Variants in OSBP observed in about 807,000 individuals in gnomAD.
The protein encoded by OSBP is oxysterol-binding protein 1.
In OSBP, 32 loss-of-function variants were observed where a neutral mutation model predicts 96.6. That is an observed-to-expected ratio of 0.33 (90% CI 0.25 to 0.45). OSBP has a LOEUF of 0.45. Ranked by LOEUF, OSBP falls within the 20% of genes least tolerant of loss-of-function variation. The probability of loss-of-function intolerance (pLI) is 1.00; values close to 1 mark genes in which losing one functional copy is unlikely to be tolerated. For missense variants in OSBP, 653 were observed against 1,029.7 expected (o/e 0.63, Z 5.01); for synonymous variants, 369 against 389.6 (o/e 0.95, Z 0.62).
chr11:59,612,894 G>A (rs558379412), intron 1 of OSBP, among the ~76,000 whole-genome samples: 13 of 152,312 alleles, frequency 8.5e-5, no homozygotes, highest in African/African-American at 2.9e-4. Flanking sequence ...AACTGGGTAC[G>A]TAAGGAAGCC....
At position 59,615,423 on chromosome 11, in the gene OSBP, C is replaced by A; in HGVS notation, c.242G>T (p.Gly81Val). 6.6e-7 allele frequency: 1 copy of A among 1,508,264 alleles called. No homozygotes were observed. The highest frequency in any genetic ancestry group is 2.0e-5 in the Admixed American group (1 of 49,344). 93.4% of individuals were successfully genotyped at this position (1,508,264 alleles called of 1,614,324 possible). A position where few individuals can be genotyped will look rare whatever the true frequency, so the allele number is the denominator to read the frequency against. ...APAPPTGGSG[G>V]SGAGGSGSAR... ...CGAGCCCGAACCCCCAGCGCCCGAG[C>A]CGCCCGAGCCCCCAGTCGGCGGCGC... is the stretch of plus-strand genomic sequence containing the variant. The change falls in exon 1 of 14, where the codon GGC becomes GTC. Residue 81 changes from glycine to valine, a missense_variant. By Grantham distance (109) the Gly-to-Val change is moderately radical (BLOSUM62 -3). Around this residue, in one of 6 missense-constraint regions of OSBP, gnomAD observed 151 missense variants for 146.1 expected, o/e 1.03. Transcript: ENST00000263847.
At chr11:59,581,671 A>C in intron 9 of OSBP, 117 bp from the exon 10 acceptor site, 1 of 543,734 alleles carries the variant, frequency 1.8e-6, no homozygotes, top group Non-Finnish European at 3.4e-6. Context: ...TTTAGAAATA[A>C]AACAATAAAT....
chr11:59,615,492 G>C lies in OSBP; in HGVS notation c.173C>G (p.Pro58Arg). 2 of 1,214,680 alleles carry C rather than the reference G, an allele frequency of 1.6e-6. No individual in the cohort carries two copies. The highest frequency in any genetic ancestry group is 1.0e-6 in the Non-Finnish European group (1 of 976,592). The allele number at this position is 1,214,680 out of a possible 1,614,324, so 75.2% of individuals were successfully genotyped here. Residue 58 changes from proline to arginine, a missense_variant, in exon 1 of 14, where the codon CCG becomes CGG. By Grantham distance (103) the Pro-to-Arg change is moderately radical. Coordinates refer to ENST00000263847, the MANE Select transcript of OSBP (RefSeq NM_002556.3). The part of the protein sequence containing the change: ...GTVVAAAAGG[P>R]GPGAGGVAAA... ...CGCCACTCCCCCGGCCCCCGGGCCC[G>C]GGCCTCCCGCCGCCGCCGCGACCAC... is the stretch of plus-strand genomic sequence containing the variant.
rs753291999 is a variant in OSBP, at chr11:59,580,295, A to C, written c.1783-26T>G. ...CTGTAAAATGAAAAAATTCAGTTTT[A>C]TTAAGACTGGATAAATTCAATGTCT... On this transcript the variant is annotated intron_variant, in intron 10 of 13. Coordinates refer to ENST00000263847, the MANE Select transcript of OSBP (RefSeq NM_002556.3). The C allele has an allele frequency of 2.8e-6, 4 of 1,420,714 alleles. No homozygotes were observed. The East Asian group carries it at 6.8e-5, about 24-fold the overall frequency. The allele number at this position is 1,420,714 out of a possible 1,614,324, so 88.0% of individuals were successfully genotyped here. A position where few individuals can be genotyped will look rare whatever the true frequency, so the allele number is the denominator to read the frequency against.
chr11:59,601,400 GC>G lies in OSBP; in HGVS notation c.1022-16del, dbSNP rs758618244. ...GCAGCACTGATCTACAAGAAGAAAAGCCCCATTTGTTGACTTTGGTTATCTT... is the reference window on the plus strand; with the variant it reads ...GCAGCACTGATCTACAAGAAGAAAAGCCCATTTGTTGACTTTGGTTATCTT... On this transcript the variant is annotated splice_polypyrimidine_tract_variant and intron_variant, in intron 4 of 13. Transcript: ENST00000263847. The G allele has an allele frequency of 1.5e-5, 23 of 1,570,320 alleles. No individual in the cohort carries two copies. In the East Asian group the frequency reaches 5.1e-4, roughly 35 times the overall value.
At chr11:59,597,145 G>T (rs113929025) in intron 7 of OSBP, among the ~76,000 whole-genome samples, 1 of 151,410 alleles carries the variant, frequency 6.6e-6, no homozygotes, top group Admixed American at 6.6e-5. Flanking sequence ...TGCAATCTCC[G>T]CCTCCCAGAT....
At chr11:59,601,906 C>G (rs1317766333) in intron 3 of OSBP, 68 bp from the exon 4 acceptor site, 2 of 1,407,146 alleles carry the variant, frequency 1.4e-6, no homozygotes, top group Non-Finnish European at 2.0e-6. Context: ...TTCTGCAAGC[C>G]CATTGAGTAA....
At chr11:59,591,094 T>C (rs566047719) in intron 9 of OSBP, among the ~76,000 whole-genome samples, 4 of 152,240 alleles carry the variant, frequency 2.6e-5, no homozygotes, top group Admixed American at 6.5e-5. Context: ...TAAATAAGCA[T>C]AGGAATGCAA....
chr11:59,597,158 A>G (rs957587368), intron 7 of OSBP, among the ~76,000 whole-genome samples: 1 of 151,882 alleles, frequency 6.6e-6, no homozygotes, highest in Non-Finnish European at 1.5e-5. Flanking sequence ...TCCCAGATTC[A>G]AGCAATTCTC....
At chr11:59,612,074 C>T (rs1285851467) in intron 1 of OSBP, among the ~76,000 whole-genome samples, 1 of 152,204 alleles carries the variant, frequency 6.6e-6, no homozygotes, top group Non-Finnish European at 1.5e-5. Flanking sequence ...GTCAAGCAGC[C>T]AAACACACCT....
At chr11:59,602,434 A>G (rs1860735129) in intron 3 of OSBP, among the ~76,000 whole-genome samples, 1 of 152,196 alleles carries the variant, frequency 6.6e-6, no homozygotes, top group Admixed American at 6.5e-5. Context: ...AAAATCAAAG[A>G]AGAGGTTTAG....
intron 8 of OSBP, 127 bp downstream of exon 8, chr11:59,593,883 A>G: frequency 1.4e-6 from 2 of 1,431,772 alleles, no homozygotes. Flanking sequence ...TGACGTTCTG[A>G]AGAAAAAGAA....
intron 9 of OSBP, among the ~76,000 whole-genome samples, chr11:59,583,160 A>C (rs1236436817): frequency 6.6e-6 from 1 of 151,826 alleles, no homozygotes; most frequent in Admixed American, 6.6e-5. Context: ...AAAATACAAA[A>C]AATTAGCTGG....
intron 9 of OSBP, among the ~76,000 whole-genome samples, chr11:59,588,480 G>A (rs1860530465): frequency 6.6e-6 from 1 of 150,706 alleles, no homozygotes; most frequent in Non-Finnish European, 1.5e-5. Flanking sequence ...AGGTTGCAGT[G>A]AGCTGAGATC....
chr11:59,597,175 C>T (rs1342767315), intron 7 of OSBP, among the ~76,000 whole-genome samples: 1 of 151,934 alleles, frequency 6.6e-6, no homozygotes, highest in East Asian at 1.9e-4. Flanking sequence ...TCTCCTGCCT[C>T]AGCCTCCCAA....
chr11:59,579,338 T>TC (rs1860393701), intron 11 of OSBP, among the ~76,000 whole-genome samples: 1 of 150,596 alleles, frequency 6.6e-6, no homozygotes, highest in African/African-American at 2.4e-5. Flanking sequence ...TTTCTTTCTT[T>TC]TTTTTTTTTT....
intron 9 of OSBP, 38 bp downstream of exon 9, chr11:59,593,566 T>A (rs1365029505): frequency 1.2e-6 from 2 of 1,612,220 alleles, no homozygotes; most frequent in Admixed American, 3.3e-5. Context: ...AACCTTTCAT[T>A]CCAGGAGCAT....
rs1860620758 is a variant in OSBP, at chr11:59,594,272, A to G, written c.1312-17T>C. ...AAAGTTTACCTGTAAGGAGAAGAAC[A>G]GATATAAAAACTATGCTCACTCATC... On this transcript the variant is annotated splice_polypyrimidine_tract_variant and intron_variant, in intron 7 of 13. Transcript: ENST00000263847. The G allele has an allele frequency of 1.2e-6, 2 of 1,612,296 alleles. No homozygotes were observed. The highest frequency in any genetic ancestry group is 2.7e-5 in the African/African-American group (2 of 74,798).
At chr11:59,587,153 C>T (rs774338761) in intron 9 of OSBP, among the ~76,000 whole-genome samples, 2 of 151,912 alleles carry the variant, frequency 1.3e-5, no homozygotes, top group African/African-American at 4.8e-5. Flanking sequence ...CTAGAATATA[C>T]GGAGAACTCC....
Sources: allele counts gnomAD v4.1 joint callset (sites outside exome capture counted in the v4.1 genomes callset), GRCh38; gene constraint gnomAD v4.1.1; regional missense constraint gnomAD v4.1.1; transcripts MANE v1.5; gene names NCBI Gene and HGNC (gene_info 2026-07-23, HGNC 2026-07-21).